Variants in UGT1A8 observed in about 807,000 individuals in gnomAD.
The protein encoded by UGT1A8 is UDP glucuronosyltransferase family 1 member A8.
Under a neutral mutation model 45.3 loss-of-function variants are expected in UGT1A8, and 39 were observed. The observed-to-expected ratio is 0.86, with a 90% CI of 0.67 to 1.12. The LOEUF (loss-of-function observed/expected upper bound fraction) is 1.12, where lower values mean the gene tolerates loss of function less well. UGT1A8 is among the 50% of genes most tolerant of loss of function. The probability of loss-of-function intolerance (pLI) is 0.00; values close to 1 mark genes in which losing one functional copy is unlikely to be tolerated. For synonymous variants in UGT1A8, 275 were observed against 249.2 expected, an observed-to-expected ratio of 1.10 and a Z score of -0.97; for missense variants, 719 against 664.9, an observed-to-expected ratio of 1.08 and a Z score of -0.90.
At chr2:233,646,857 T>C (rs2073617757) in intron 1 of UGT1A8, among the ~76,000 whole-genome samples, 1 of 152,218 alleles carries the variant, frequency 6.6e-6, no homozygotes, top group Non-Finnish European at 1.5e-5. Flanking sequence ...CCTTCCACGT[T>C]TTCAGGTATC....
At chr2:233,693,657 A>T in intron 1 of UGT1A8, 1 of 1,614,170 alleles carries the variant, frequency 6.2e-7, no homozygotes, top group South Asian at 1.1e-5. Flanking sequence ...AATTTGTTGG[A>T]GCCCTATCTA....
chr2:233,685,188 TA>T (rs1428567524), intron 1 of UGT1A8, among the ~76,000 whole-genome samples: 7 of 152,116 alleles, frequency 4.6e-5, no homozygotes, highest in Admixed American at 4.6e-4. Context: ...AGGAGAACAT[TA>T]AAACGGTTTT....
At chr2:233,744,855 G>A (rs1452590480) in intron 1 of UGT1A8, among the ~76,000 whole-genome samples, 1 of 151,856 alleles carries the variant, frequency 6.6e-6, no homozygotes, top group Non-Finnish European at 1.5e-5. Flanking sequence ...GTAGTCCTTG[G>A]TATTCTGAAG....
intron 1 of UGT1A8, among the ~76,000 whole-genome samples, chr2:233,726,356 A>T (rs1313638283): frequency 1.3e-5 from 2 of 152,182 alleles, no homozygotes; most frequent in Non-Finnish European, 2.9e-5. Context: ...TTATTTATTT[A>T]AAACACAACA....
At chr2:233,720,640 G>A (rs1212393027) in intron 1 of UGT1A8, among the ~76,000 whole-genome samples, 3 of 151,716 alleles carry the variant, frequency 2.0e-5, no homozygotes, top group Non-Finnish European at 4.4e-5. Context: ...TAGTACTCTG[G>A]GATGTGAAAA....
In UGT1A8 at chr2:233,772,466, C is replaced by T. The variant is rs1700524185; in HGVS notation, c.1500C>T (p.Ala500=). 6.2e-7 allele frequency: 1 copy of T among 1,614,030 alleles called. No individual in the cohort carries two copies. The highest frequency in any genetic ancestry group is 1.3e-5 in the African/African-American group (1 of 74,904). The change falls in exon 5 of 5, where the codon GCC becomes GCT. Residue 500 remains alanine, a synonymous_variant. Transcript: ENST00000373450. ...GFLLAVVLTV[A]FITFKCCAYG... Reference sequence around the variant, plus strand: ...TCTTGGCCGTCGTGCTGACAGTGGCCTTCATCACCTTTAAATGTTGTGCTT... The same window carrying T: ...TCTTGGCCGTCGTGCTGACAGTGGCTTTCATCACCTTTAAATGTTGTGCTT...
intron 1 of UGT1A8, among the ~76,000 whole-genome samples, chr2:233,746,063 AAG>A (rs1693290242): frequency 6.6e-6 from 1 of 151,770 alleles, no homozygotes. Flanking sequence ...CTAGAACGAA[AAG>A]AGAAGAGGAG....
At chr2:233,624,424 C>A (rs1434282663) in intron 1 of UGT1A8, among the ~76,000 whole-genome samples, 4 of 151,972 alleles carry the variant, frequency 2.6e-5, no homozygotes, top group Admixed American at 2.0e-4. Context: ...TAGGAAGATG[C>A]GGAGGTCTTT....
At chr2:233,754,500 G>A (rs945598675) in intron 1 of UGT1A8, 52 of 356,130 alleles carry the variant, frequency 1.5e-4, no homozygotes, top group Admixed American at 3.0e-4. Flanking sequence ...AAAAAAGTCC[G>A]CTATTCCTCC....
In UGT1A8 at chr2:233,617,774, G is replaced by T; in HGVS notation, c.67G>T (p.Ala23Ser). The change falls in exon 1 of 5, where the codon GCT becomes TCT. Residue 23 changes from alanine (A) to serine (S), a missense_variant. Coordinates refer to ENST00000373450, the MANE Select transcript of UGT1A8 (RefSeq NM_019076.5). ...CVSLLLTCGF[A>S]EAGKLLVVPM... Reference sequence around the variant, plus strand: ...TTCTCTGCTGCTGACCTGTGGCTTTGCTGAGGCAGGGAAGCTGCTGGTAGT... The same window carrying T: ...TTCTCTGCTGCTGACCTGTGGCTTTTCTGAGGCAGGGAAGCTGCTGGTAGT... The T allele has an allele frequency of 1.9e-6, 3 of 1,614,106 alleles. No homozygotes were observed. Among genetic ancestry groups the T allele is most frequent in the Non-Finnish European group, 2.5e-6 (3 of 1,180,012 alleles).
At chr2:233,726,581 C>T (rs2077543368) in intron 1 of UGT1A8, among the ~76,000 whole-genome samples, 1 of 152,182 alleles carries the variant, frequency 6.6e-6, no homozygotes, top group Non-Finnish European at 1.5e-5. Flanking sequence ...GTCTCCTTCA[C>T]TTGTAAGAGC....
intron 1 of UGT1A8, chr2:233,718,072 AG>A (rs1223912605): frequency 5.8e-6 from 2 of 346,088 alleles, no homozygotes; most frequent in East Asian, 1.5e-4. Context: ...GGTCCTTGCT[AG>A]GGTTGTCTTG....
intron 1 of UGT1A8, among the ~76,000 whole-genome samples, chr2:233,705,232 T>C (rs962910924): frequency 6.6e-6 from 1 of 152,258 alleles, no homozygotes; most frequent in African/African-American, 2.4e-5. Context: ...AGTGCTTTTT[T>C]TCTGTATGAA....
chr2:233,755,338 G>A (rs569505432), intron 1 of UGT1A8: 1 of 431,822 alleles, frequency 2.3e-6, no homozygotes, highest in Non-Finnish European at 4.0e-6. Flanking sequence ...CCCGCGCACA[G>A]GTCAGAGGCT....
At chr2:233,733,743 C>T (rs1444086929) in intron 1 of UGT1A8, among the ~76,000 whole-genome samples, 1 of 152,214 alleles carries the variant, frequency 6.6e-6, no homozygotes, top group Non-Finnish European at 1.5e-5. Context: ...CGATGTTCAT[C>T]AGGGATATTT....
rs1392569558 is a variant in UGT1A8 at position 233,757,114 on chromosome 2, G to T, written c.856-9920G>T. ...GCAGAGGGAGGGGGCAAGCAGAAGG[G>T]CTAGAGAGGAGGAATGAGCTTGGAC... On this transcript the variant is annotated intron_variant, in intron 1 of 4. Transcript: ENST00000373450. Among the ~76,000 whole-genome samples the T allele has an allele frequency of 7.3e-5, 11 of 151,392 alleles. No individual in the cohort carries two copies. In the South Asian group the frequency reaches 1.7e-3, roughly 23 times the overall value.
chr2:233,762,314 C>T (rs548976022), intron 1 of UGT1A8, among the ~76,000 whole-genome samples: 27 of 152,272 alleles, frequency 1.8e-4, no homozygotes, highest in African/African-American at 5.3e-4. Context: ...GTTAATGGGT[C>T]GAGAGTAATC....
At chr2:233,674,157 AAC>A (rs1364542025) in intron 1 of UGT1A8, among the ~76,000 whole-genome samples, 62 of 152,294 alleles carry the variant, frequency 4.1e-4, no homozygotes, top group Middle Eastern at 6.8e-3. Flanking sequence ...TAGACTTGGT[AAC>A]ACAGTCATAT....
At position 233,698,499 on chromosome 2, in the gene UGT1A8, G is replaced by A. The variant is rs547342944; in HGVS notation, c.856-68535G>A. Among the ~76,000 whole-genome samples, 3 of 152,270 alleles carry A rather than the reference G, an allele frequency of 2.0e-5. No homozygotes were observed. In the South Asian group the frequency reaches 6.2e-4, roughly 32 times the overall value. ...AGCTTAAAAATGCAGTCCTCATTAG[G>A]CAAATCACATAATCGGCAATACATA... On this transcript the variant is annotated intron_variant, in intron 1 of 4. Transcript: ENST00000373450.
Sources: allele counts gnomAD v4.1 joint callset (sites outside exome capture counted in the v4.1 genomes callset), GRCh38; gene constraint gnomAD v4.1.1; transcripts MANE v1.5; gene names NCBI Gene and HGNC (gene_info 2026-07-23, HGNC 2026-07-21).